AMPH: variants seen among roughly 807,000 people sequenced by gnomAD.
AMPH encodes amphiphysin, also known as amphiphysin (Stiff-Mann syndrome with breast cancer 128kD autoantigen).
In AMPH, 49 loss-of-function variants were observed where a neutral mutation model predicts 99.1. That is an observed-to-expected ratio of 0.49 (90% CI 0.39 to 0.63). The LOEUF is 0.63. Among genes scored for constraint, AMPH ranks in the 20% least tolerant of loss-of-function variants. AMPH has a pLI of 0.00. For synonymous variants in AMPH, 314 were observed against 317.3 expected, an observed-to-expected ratio of 0.99 and a Z score of 0.11; for missense variants, 759 against 863.4, an observed-to-expected ratio of 0.88 and a Z score of 1.52.
At chr7:38,613,087 G>A (rs11760351) in intron 1 of AMPH, among the ~76,000 whole-genome samples, 23,050 of 152,064 alleles carry the variant, frequency 0.15, 1,829 homozygotes, top group Middle Eastern at 0.22. Context: ...TGCTAAAGTC[G>A]AAACATTGGT....
intron 10 of AMPH, among the ~76,000 whole-genome samples, chr7:38,462,328 C>T (rs927039756): frequency 1.3e-5 from 2 of 152,128 alleles, no homozygotes; most frequent in African/African-American, 2.4e-5. Flanking sequence ...CAGGACACAA[C>T]CCCTTTGTAA....
chr7:38,413,635 T>C (rs1785277116), intron 17 of AMPH, among the ~76,000 whole-genome samples: 1 of 151,796 alleles, frequency 6.6e-6, no homozygotes, highest in Admixed American at 6.6e-5. Context: ...TAACCAATTC[T>C]GTGATTTTTT....
intron 20 of AMPH, 53 bp downstream of exon 20, chr7:38,389,751 C>A: frequency 3.0e-6 from 4 of 1,333,656 alleles, no homozygotes; most frequent in East Asian, 4.6e-5. Context: ...GTCCAACAGA[C>A]CCTCAGAAAA....
chr7:38,466,491 T>G (rs964016839), intron 7 of AMPH, among the ~76,000 whole-genome samples: 1 of 151,688 alleles, frequency 6.6e-6, no homozygotes, highest in African/African-American at 2.4e-5. Flanking sequence ...CTTAAGACAG[T>G]GATTCTCAAA....
intron 1 of AMPH, among the ~76,000 whole-genome samples, chr7:38,588,559 C>T (rs1036807528): frequency 1.3e-5 from 2 of 152,158 alleles, no homozygotes; most frequent in African/African-American, 2.4e-5. Flanking sequence ...AATGGCACCA[C>T]ATCAAAATGA....
At chr7:38,562,087 T>C (rs1791574463) in intron 1 of AMPH, among the ~76,000 whole-genome samples, 1 of 146,672 alleles carries the variant, frequency 6.8e-6, no homozygotes, top group South Asian at 2.1e-4. Context: ...TAGGTGGAAA[T>C]GAAGGAGAGG....
intron 5 of AMPH, among the ~76,000 whole-genome samples, chr7:38,479,577 T>C (rs185885685): frequency 6.6e-6 from 1 of 152,230 alleles, no homozygotes; most frequent in East Asian, 1.9e-4. Context: ...GTGGGGTTTA[T>C]AACATGTAAA....
intron 5 of AMPH, among the ~76,000 whole-genome samples, chr7:38,484,029 C>T (rs1788394505): frequency 1.3e-5 from 2 of 151,794 alleles, no homozygotes. Flanking sequence ...AAAAAAGGAT[C>T]AATAAACTCA....
chr7:38,488,171 T>C (rs1788581213), intron 5 of AMPH, among the ~76,000 whole-genome samples: 1 of 152,224 alleles, frequency 6.6e-6, no homozygotes, highest in Admixed American at 6.5e-5. Context: ...ATCCCATTAC[T>C]GGGTATATAC....
At chr7:38,586,501 CAAGAT>C (rs1792653061) in intron 1 of AMPH, among the ~76,000 whole-genome samples, 1 of 152,166 alleles carries the variant, frequency 6.6e-6, no homozygotes, top group Non-Finnish European at 1.5e-5. Flanking sequence ...TGCAACAAAT[CAAGAT>C]ATGAAAGGGC....
At chr7:38,477,823 T>C (rs951240921) in intron 5 of AMPH, among the ~76,000 whole-genome samples, 2 of 151,982 alleles carry the variant, frequency 1.3e-5, no homozygotes, top group Non-Finnish European at 2.9e-5. Context: ...AAAACCAATG[T>C]GGCTCTGGTA....
intron 2 of AMPH, among the ~76,000 whole-genome samples, chr7:38,507,449 A>C (rs936206276): frequency 2.0e-5 from 3 of 152,224 alleles, no homozygotes; most frequent in African/African-American, 7.2e-5. Context: ...TTAATCAAAA[A>C]GGTAAAAAGC....
intron 12 of AMPH, among the ~76,000 whole-genome samples, chr7:38,435,114 G>A (rs1408629768): frequency 6.6e-6 from 1 of 152,152 alleles, no homozygotes; most frequent in African/African-American, 2.4e-5. Flanking sequence ...AGTTAATACA[G>A]GAGGCTTCCT....
rs549001679 is a variant in AMPH, at chr7:38,600,068, G to T, written c.69+31215C>A. Among the ~76,000 whole-genome samples, 53 of 152,136 alleles carry T rather than the reference G, an allele frequency of 3.5e-4. No individual in the cohort carries two copies. In the Middle Eastern group the frequency reaches 0.01, roughly 29 times the overall value. ...AATTTGAGAGTGGCCTTTGGATTCA[G>T]TCCTCGCCAAGAGGTAACAAGGTTT... is the stretch of plus-strand genomic sequence containing the variant. On this transcript the variant is annotated intron_variant, in intron 1 of 20. Coordinates refer to ENST00000356264, the MANE Select transcript of AMPH (RefSeq NM_001635.4).
At chr7:38,432,268 A>G in intron 12 of AMPH, 56 bp from the exon 13 acceptor site, 1 of 1,503,480 alleles carries the variant, frequency 6.7e-7, no homozygotes, top group Non-Finnish European at 9.2e-7. Context: ...ACATAAAAAA[A>G]TGCTGAGGTG....
At position 38,525,963 on chromosome 7, in the gene AMPH, C is replaced by T. The variant is rs149615540; in HGVS notation, c.150+8968G>A. 4.6e-5 allele frequency among the ~76,000 whole-genome samples: 7 copies of T among 152,252 alleles called. No homozygotes were observed. In the East Asian group the frequency reaches 1.4e-3, roughly 29 times the overall value. On this transcript the variant is annotated intron_variant, in intron 2 of 20. Coordinates refer to ENST00000356264, the MANE Select transcript of AMPH (RefSeq NM_001635.4). ...CATTTTCATTTCTATGGGATAAATG[C>T]ATAAGAGTGCAGTTTTTGGGTTGTA...
intron 2 of AMPH, among the ~76,000 whole-genome samples, chr7:38,527,675 T>C (rs896323956): frequency 6.6e-6 from 1 of 152,224 alleles, no homozygotes; most frequent in Non-Finnish European, 1.5e-5. Context: ...TACATAATTA[T>C]GTCATCTGCA....
intron 20 of AMPH, among the ~76,000 whole-genome samples, chr7:38,385,505 A>G (rs1784327252): frequency 6.6e-6 from 1 of 152,242 alleles, no homozygotes; most frequent in Admixed American, 6.5e-5. Flanking sequence ...GGGCTCATCA[A>G]ATACTAAAAG....
chr7:38,573,285 T>G (rs1213647963), intron 1 of AMPH, among the ~76,000 whole-genome samples: 1 of 152,238 alleles, frequency 6.6e-6, no homozygotes, highest in Admixed American at 6.5e-5. Flanking sequence ...TCTTTTTTCT[T>G]GTTTTTAATT....
Sources: allele counts gnomAD v4.1 joint callset (sites outside exome capture counted in the v4.1 genomes callset), GRCh38; gene constraint gnomAD v4.1.1; transcripts MANE v1.5; gene names NCBI Gene and HGNC (gene_info 2026-07-23, HGNC 2026-07-21).